Variants in GRM8 observed in about 807,000 individuals in gnomAD.
The protein encoded by GRM8 is glutamate metabotropic receptor 8.
Under a neutral mutation model 87.2 loss-of-function variants are expected in GRM8, and 47 were observed. That is an observed-to-expected ratio of 0.54 (90% CI 0.43 to 0.69). The LOEUF is 0.69. Ranked by LOEUF, GRM8 falls within the 30% of genes least tolerant of loss-of-function variation. GRM8 has a pLI of 0.00. For missense variants in GRM8, 1,019 were observed against 1,139.2 expected (o/e 0.89, Z 1.52); for synonymous variants, 396 against 404.5 (o/e 0.98, Z 0.25).
At chr7:126,634,295 T>A (rs772531561) in intron 7 of GRM8, among the ~76,000 whole-genome samples, 2 of 152,160 alleles carry the variant, frequency 1.3e-5, no homozygotes, top group African/African-American at 4.8e-5. Context: ...TAAGTGCCCC[T>A]AGCATTCTCA....
intron 3 of GRM8, among the ~76,000 whole-genome samples, chr7:127,060,623 T>C (rs968029903): frequency 6.6e-5 from 10 of 152,144 alleles, no homozygotes; most frequent in African/African-American, 2.4e-4. Context: ...CAGTCCAATA[T>C]GGAGTTAGTG....
At chr7:127,053,433 C>T (rs1459525640) in intron 3 of GRM8, among the ~76,000 whole-genome samples, 1 of 152,160 alleles carries the variant, frequency 6.6e-6, no homozygotes, top group Admixed American at 6.5e-5. Context: ...AGATTCAATG[C>T]AGTGTGTATA....
chr7:126,954,910 AAAG>A (rs1157172776), intron 3 of GRM8, among the ~76,000 whole-genome samples: 4 of 152,314 alleles, frequency 2.6e-5, no homozygotes, highest in East Asian at 1.9e-4. Flanking sequence ...CAAGGTAGAG[AAAG>A]AAGAAGAGTC....
chr7:127,174,920 A>G (rs1378193777), intron 2 of GRM8, among the ~76,000 whole-genome samples: 2 of 152,174 alleles, frequency 1.3e-5, no homozygotes, highest in African/African-American at 2.4e-5. Context: ...GTAGTCACTT[A>G]TGGGAACAGC....
intron 9 of GRM8, among the ~76,000 whole-genome samples, chr7:126,477,134 C>T (rs1409580621): frequency 6.6e-6 from 1 of 152,062 alleles, no homozygotes; most frequent in Non-Finnish European, 1.5e-5. Flanking sequence ...TGAAGTAAGG[C>T]AGACATAGAA....
chr7:127,115,419 T>C (rs1826642989), intron 2 of GRM8, among the ~76,000 whole-genome samples: 1 of 152,226 alleles, frequency 6.6e-6, no homozygotes, highest in Non-Finnish European at 1.5e-5. Flanking sequence ...ACTAAGACAT[T>C]TTGATTTGGC....
At chr7:126,836,934 C>G (rs533486986) in intron 6 of GRM8, among the ~76,000 whole-genome samples, 44 of 152,240 alleles carry the variant, frequency 2.9e-4, no homozygotes, top group Non-Finnish European at 4.6e-4. Context: ...TTAGGTAAGT[C>G]ATCCAATTTC....
intron 7 of GRM8, among the ~76,000 whole-genome samples, chr7:126,661,278 T>C (rs1805128342): frequency 6.6e-6 from 1 of 152,220 alleles, no homozygotes; most frequent in African/African-American, 2.4e-5. Context: ...ACATCTCATG[T>C]ACCCCATAAG....
At chr7:126,821,811 C>A (rs888530268) in intron 6 of GRM8, among the ~76,000 whole-genome samples, 23 of 152,258 alleles carry the variant, frequency 1.5e-4, no homozygotes, top group African/African-American at 5.5e-4. Flanking sequence ...AAATTACAGG[C>A]CTTTTCCGGA....
intron 6 of GRM8, among the ~76,000 whole-genome samples, chr7:126,859,272 A>C (rs1054696068): frequency 6.6e-6 from 1 of 152,152 alleles, no homozygotes; most frequent in Admixed American, 6.5e-5. Context: ...TGAATAGATA[A>C]AAGTTGGGCT....
chr7:126,878,445 T>A (rs1799717498), intron 6 of GRM8, among the ~76,000 whole-genome samples: 1 of 152,170 alleles, frequency 6.6e-6, no homozygotes, highest in Non-Finnish European at 1.5e-5. Flanking sequence ...CAAAACCTTC[T>A]GTGAGTTTAA....
chr7:126,791,176 G>A (rs1223228151), intron 6 of GRM8, among the ~76,000 whole-genome samples: 2 of 151,960 alleles, frequency 1.3e-5, no homozygotes, highest in Admixed American at 6.6e-5. Context: ...GAGAGACAGG[G>A]ACCTATTCAG....
At chr7:127,153,688 A>G (rs1261210503) in intron 2 of GRM8, among the ~76,000 whole-genome samples, 1 of 152,142 alleles carries the variant, frequency 6.6e-6, no homozygotes, top group Non-Finnish European at 1.5e-5. Flanking sequence ...AATTTACCCT[A>G]CTACTGAATG....
chr7:127,211,313 T>G (rs1165656868), intron 2 of GRM8, among the ~76,000 whole-genome samples: 1 of 152,158 alleles, frequency 6.6e-6, no homozygotes, highest in Non-Finnish European at 1.5e-5. Context: ...CTGAAGAAGT[T>G]GGAGTCTGAT....
At chr7:127,118,534 G>T (rs898521426) in intron 2 of GRM8, among the ~76,000 whole-genome samples, 1 of 152,124 alleles carries the variant, frequency 6.6e-6, no homozygotes, top group Non-Finnish European at 1.5e-5. Flanking sequence ...GTGTGTGTGC[G>T]TACACATGTG....
chr7:127,050,039 T>C (rs1294858989), intron 3 of GRM8, among the ~76,000 whole-genome samples: 1 of 152,108 alleles, frequency 6.6e-6, no homozygotes. Flanking sequence ...TTGAGGACAA[T>C]GAGATGCCAC....
At chr7:127,163,889 G>C (rs1793279700) in intron 2 of GRM8, among the ~76,000 whole-genome samples, 1 of 152,056 alleles carries the variant, frequency 6.6e-6, no homozygotes, top group Non-Finnish European at 1.5e-5. Context: ...TAGGGACCTG[G>C]ACTGACACAG....
intron 2 of GRM8, among the ~76,000 whole-genome samples, chr7:127,150,328 G>A (rs953120807): frequency 2.6e-5 from 4 of 152,006 alleles, no homozygotes; most frequent in African/African-American, 9.7e-5. Flanking sequence ...AAAGGAGGCT[G>A]GTCACTGAAA....
At chr7:126,926,479 C>G (rs1410751802) in intron 3 of GRM8, among the ~76,000 whole-genome samples, 2 of 152,188 alleles carry the variant, frequency 1.3e-5, no homozygotes, top group African/African-American at 2.4e-5. Context: ...CTCCTTACCT[C>G]TCACCTGGGT....
Sources: gnomAD v4.1 joint callset for allele counts (sites outside exome capture counted in the v4.1 genomes callset) on GRCh38, gnomAD v4.1.1 for gene constraint, MANE v1.5 for transcripts, NCBI Gene and HGNC (gene_info 2026-07-23, HGNC 2026-07-21) for gene names.